The following NARS2 variants were observed in gnomAD, a reference collection of about 807,000 sequenced individuals.
The protein encoded by NARS2 is asparaginyl-tRNA synthetase 2, mitochondrial, also known as asparaginyl-tRNA synthetase.
In NARS2, 60 loss-of-function variants were observed where a neutral mutation model predicts 62.9. The observed-to-expected ratio is 0.95, with a 90% CI of 0.77 to 1.18. NARS2 has a LOEUF of 1.18. Ranked by LOEUF, NARS2 falls within the 50% of genes most tolerant of loss-of-function variation. The pLI, the probability that NARS2 is intolerant of heterozygous loss-of-function variation, is 0.00. For synonymous variants in NARS2, 196 were observed against 200.0 expected (o/e 0.98, Z 0.17); for missense variants, 619 against 576.4 (o/e 1.07, Z -0.76).
At chr11:78,466,489 T>C (rs1858628370) in intron 10 of NARS2, among the ~76,000 whole-genome samples, 1 of 151,962 alleles carries the variant, frequency 6.6e-6, no homozygotes, top group African/African-American at 2.4e-5. Flanking sequence ...TGGTGACTTT[T>C]GTTTTTTTTG....
chr11:78,541,878 G>A (rs1385561117), intron 5 of NARS2, among the ~76,000 whole-genome samples: 3 of 152,114 alleles, frequency 2.0e-5, no homozygotes, highest in African/African-American at 7.2e-5. Flanking sequence ...CATCTCATAC[G>A]TAAAAACCAA....
At chr11:78,479,943 G>T (rs892565483) in intron 7 of NARS2, among the ~76,000 whole-genome samples, 1 of 152,164 alleles carries the variant, frequency 6.6e-6, no homozygotes, top group Non-Finnish European at 1.5e-5. Context: ...CTGTCACCCA[G>T]GTTGGAGGGC....
intron 6 of NARS2, among the ~76,000 whole-genome samples, chr11:78,499,847 T>C (rs7927722): frequency 0.81 from 123,117 of 152,138 alleles, 50,344 homozygotes; most frequent in African/African-American, 0.89. Context: ...GGTCACAAAT[T>C]TGACTGTTCT....
intron 5 of NARS2, among the ~76,000 whole-genome samples, chr11:78,546,256 C>T (rs4559714): frequency 0.65 from 98,761 of 152,074 alleles, 35,216 homozygotes; most frequent in Non-Finnish European, 0.81. Flanking sequence ...AGCCTTCCCA[C>T]ACAAATAGTT....
chr11:78,452,213 T>C (rs1288088240), intron 11 of NARS2, among the ~76,000 whole-genome samples: 1 of 151,800 alleles, frequency 6.6e-6, no homozygotes, highest in Non-Finnish European at 1.5e-5. Context: ...GTTCAAGAGA[T>C]TTTCCTGCCT....
At chr11:78,571,225 T>C in intron 2 of NARS2, 110 bp downstream of exon 2, 1 of 656,600 alleles carries the variant, frequency 1.5e-6, no homozygotes, top group Non-Finnish European at 2.8e-6. Context: ...AAAGCAGATC[T>C]GTTTCAAAAG....
In NARS2 at chr11:78,529,053, T is replaced by C. The variant is rs533005376; in HGVS notation, c.595-117A>G. The C allele has an allele frequency of 9.2e-5, 63 of 681,666 alleles. No homozygotes were observed. Among genetic ancestry groups the C allele is most frequent in the Non-Finnish European group, 1.3e-4 (54 of 400,550 alleles). The allele number at this position is 681,666 out of a possible 1,614,324, so 42.2% of individuals were successfully genotyped here. On this transcript the variant is annotated intron_variant, in intron 5 of 13. Transcript: ENST00000281038. ...GCAATTAAATCTATGTGAAGGCAGG[T>C]TGTTCTCAGGAAAATAAAGGTAGTT...
At chr11:78,508,614 A>G (rs531215014) in intron 6 of NARS2, among the ~76,000 whole-genome samples, 37 of 152,082 alleles carry the variant, frequency 2.4e-4, no homozygotes, top group Non-Finnish European at 4.9e-4. Context: ...AAACAAAAAA[A>G]AAACCATTGA....
rs1857400706 is a variant in NARS2, at chr11:78,436,008, C to T, written c.*662G>A. 1 of 151,948 alleles carries T rather than the reference C, an allele frequency of 6.6e-6. No individual in the cohort carries two copies. Among genetic ancestry groups the T allele is most frequent in the Admixed American group, 6.6e-5 (1 of 15,256 alleles). The allele number at this position is 151,948 out of a possible 1,614,324, so 9.4% of individuals were successfully genotyped here. A position where few individuals can be genotyped will look rare whatever the true frequency, so the allele number is the denominator to read the frequency against. ...TCTATTTTATTAGACAAATTATAAA[C>T]ATCAAATATAAACAAATTATAACAA... On this transcript the variant is annotated 3_prime_UTR_variant, in exon 14 of 14. Coordinates refer to ENST00000281038, the MANE Select transcript of NARS2 (RefSeq NM_024678.6).
intron 6 of NARS2, among the ~76,000 whole-genome samples, chr11:78,510,957 T>C (rs1255741534): frequency 6.6e-6 from 1 of 152,198 alleles, no homozygotes; most frequent in Non-Finnish European, 1.5e-5. Context: ...AACGAAAATC[T>C]AACCTATGGG....
chr11:78,442,663 A>C (rs1172017315), intron 12 of NARS2, among the ~76,000 whole-genome samples: 1 of 151,604 alleles, frequency 6.6e-6, no homozygotes. Context: ...TTACTAAAGT[A>C]GGAATCATGG....
At chr11:78,468,539 G>A (rs1279544385) in intron 10 of NARS2, among the ~76,000 whole-genome samples, 1 of 150,764 alleles carries the variant, frequency 6.6e-6, no homozygotes, top group Non-Finnish European at 1.5e-5. Flanking sequence ...TGAGTAGCTG[G>A]GACTACAGGC....
intron 7 of NARS2, among the ~76,000 whole-genome samples, chr11:78,485,238 G>C (rs929961771): frequency 1.3e-5 from 2 of 151,894 alleles, no homozygotes; most frequent in Non-Finnish European, 2.9e-5. Flanking sequence ...CCTATTGGGG[G>C]ATGGGGGACA....
intron 7 of NARS2, among the ~76,000 whole-genome samples, chr11:78,479,524 A>G (rs1328714579): frequency 6.6e-6 from 1 of 152,182 alleles, no homozygotes; most frequent in Non-Finnish European, 1.5e-5. Context: ...AACAACAAAA[A>G]AAAGTATTCT....
intron 7 of NARS2, among the ~76,000 whole-genome samples, chr11:78,492,686 C>G (rs76816213): frequency 0.012 from 1,828 of 152,242 alleles, 26 homozygotes; most frequent in African/African-American, 0.042. Flanking sequence ...CAAATCAGAG[C>G]TACTATTTAG....
chr11:78,492,996 G>C (rs952401704), intron 7 of NARS2, 67 bp downstream of exon 7: 1 of 1,420,110 alleles, frequency 7.0e-7, no homozygotes, highest in Non-Finnish European at 9.7e-7. Context: ...AAACGTCCGA[G>C]GTAAAAATAT....
At position 78,436,622 on chromosome 11, in the gene NARS2, T is replaced by G; in HGVS notation, c.*48A>C. 1 of 1,601,920 alleles carries G rather than the reference T, an allele frequency of 6.2e-7. No homozygotes were observed. The highest frequency in any genetic ancestry group is 8.5e-7 in the Non-Finnish European group (1 of 1,170,654). ...GCATTCTGCTGTATGCACAATCATG[T>G]GCAGTGTCTCTGCCATGGGGGGTGC... On this transcript the variant is annotated 3_prime_UTR_variant, in exon 14 of 14. Transcript: ENST00000281038.
intron 11 of NARS2, among the ~76,000 whole-genome samples, chr11:78,444,313 TGAA>T (rs1256044322): frequency 1.3e-5 from 2 of 152,150 alleles, no homozygotes; most frequent in Non-Finnish European, 2.9e-5. Flanking sequence ...AATGTGGCAA[TGAA>T]GAGTTTAATT....
intron 10 of NARS2, among the ~76,000 whole-genome samples, chr11:78,468,876 C>T (rs1298610817): frequency 1.3e-5 from 2 of 150,248 alleles, no homozygotes; most frequent in Non-Finnish European, 3.0e-5. Flanking sequence ...AAGCAATCTG[C>T]CTGCCTTGGC....
Sources: allele counts gnomAD v4.1 joint callset (sites outside exome capture counted in the v4.1 genomes callset), GRCh38; gene constraint gnomAD v4.1.1; transcripts MANE v1.5; gene names NCBI Gene and HGNC (gene_info 2026-07-23, HGNC 2026-07-21).